The following STXBP5L variants were observed in gnomAD, a reference collection of about 807,000 sequenced individuals.
STXBP5L encodes syntaxin binding protein 5L.
In STXBP5L, 65 loss-of-function variants were observed where a neutral mutation model predicts 144.5. The observed-to-expected ratio is 0.45, with a 90% CI of 0.37 to 0.55. The LOEUF (loss-of-function observed/expected upper bound fraction) is 0.55. Among genes scored for constraint, STXBP5L ranks in the 20% least tolerant of loss-of-function variants. STXBP5L has a pLI of 0.00. For missense variants in STXBP5L, 1,298 were observed against 1,405.5 expected, an observed-to-expected ratio of 0.92 and a Z score of 1.22; for synonymous variants, 505 against 469.6, an observed-to-expected ratio of 1.08 and a Z score of -0.97.
chr3:121,350,371 T>C (rs2045223301), intron 20 of STXBP5L, among the ~76,000 whole-genome samples: 1 of 152,224 alleles, frequency 6.6e-6, no homozygotes, highest in South Asian at 2.1e-4. Context: ...ACCCGACCTT[T>C]GTCTCTGGCT....
At chr3:121,282,989 A>G (rs2051111657) in intron 19 of STXBP5L, among the ~76,000 whole-genome samples, 1 of 152,018 alleles carries the variant, frequency 6.6e-6, no homozygotes, top group Non-Finnish European at 1.5e-5. Flanking sequence ...AAAAACTGGT[A>G]TAGAAAGGAT....
At chr3:121,113,996 C>T (rs1171950843) in intron 5 of STXBP5L, among the ~76,000 whole-genome samples, 1 of 151,966 alleles carries the variant, frequency 6.6e-6, no homozygotes, top group African/African-American at 2.4e-5. Flanking sequence ...TAAAGAAGTA[C>T]AAGACAATAT....
intron 3 of STXBP5L, among the ~76,000 whole-genome samples, chr3:120,992,110 A>G (rs1942950622): frequency 6.6e-6 from 1 of 152,142 alleles, no homozygotes; most frequent in Non-Finnish European, 1.5e-5. Context: ...CACTAAAGAA[A>G]ATCTATGTCA....
chr3:121,048,771 C>T (rs9834680), intron 5 of STXBP5L, among the ~76,000 whole-genome samples: 15,036 of 151,698 alleles, frequency 0.099, 1,179 homozygotes, highest in Admixed American at 0.2. Flanking sequence ...CTGCAACCTC[C>T]GCCTCCCTGG....
At chr3:120,998,302 G>T (rs1215411965) in intron 3 of STXBP5L, among the ~76,000 whole-genome samples, 1 of 152,140 alleles carries the variant, frequency 6.6e-6, no homozygotes. Flanking sequence ...ATCCCTGTTT[G>T]CAGACAATAT....
At chr3:121,415,354 C>G (rs2047208915) in intron 24 of STXBP5L, among the ~76,000 whole-genome samples, 1 of 152,176 alleles carries the variant, frequency 6.6e-6, no homozygotes, top group South Asian at 2.1e-4. Flanking sequence ...AAATGTACTT[C>G]ACCCTATACA....
At chr3:121,329,034 C>T (rs1049285684) in intron 20 of STXBP5L, among the ~76,000 whole-genome samples, 1 of 151,806 alleles carries the variant, frequency 6.6e-6, no homozygotes, top group African/African-American at 2.4e-5. Context: ...ATATATAATG[C>T]ATATGTGTGT....
chr3:121,155,001 G>C (rs186542438), intron 8 of STXBP5L, among the ~76,000 whole-genome samples: 98 of 151,642 alleles, frequency 6.5e-4, no homozygotes, highest in Non-Finnish European at 1.1e-3. Flanking sequence ...GTTATCTTTT[G>C]CCTGGATGAC....
At chr3:121,002,324 A>G (rs75042868) in intron 3 of STXBP5L, among the ~76,000 whole-genome samples, 4 of 152,278 alleles carry the variant, frequency 2.6e-5, no homozygotes, top group East Asian at 3.9e-4. Context: ...GCATTTTCAT[A>G]TATCTATTGT....
At chr3:120,989,294 C>T (rs964669681) in intron 3 of STXBP5L, among the ~76,000 whole-genome samples, 7 of 152,104 alleles carry the variant, frequency 4.6e-5, no homozygotes, top group Non-Finnish European at 8.8e-5. Flanking sequence ...TCATCAATAT[C>T]TGTTGTTGAT....
intron 9 of STXBP5L, among the ~76,000 whole-genome samples, chr3:121,198,665 G>A (rs1051285614): frequency 2.0e-5 from 3 of 152,098 alleles, no homozygotes; most frequent in African/African-American, 7.2e-5. Flanking sequence ...TTTTGTATAA[G>A]GTGTAAGGAG....
chr3:120,909,444 C>T (rs1311252434), intron 1 of STXBP5L, 127 bp from the exon 2 acceptor site: 17 of 765,690 alleles, frequency 2.2e-5, no homozygotes, highest in Non-Finnish European at 3.3e-5. Context: ...TTTTTCCAGT[C>T]GGTCGTAACC....
At chr3:120,990,890 T>G (rs1232632243) in intron 3 of STXBP5L, among the ~76,000 whole-genome samples, 1 of 152,138 alleles carries the variant, frequency 6.6e-6, no homozygotes, top group Non-Finnish European at 1.5e-5. Flanking sequence ...GAAGAAAACC[T>G]AGGCAATACC....
At chr3:120,954,590 A>T (rs1937815064) in intron 2 of STXBP5L, among the ~76,000 whole-genome samples, 1 of 151,910 alleles carries the variant, frequency 6.6e-6, no homozygotes, top group Non-Finnish European at 1.5e-5. Context: ...CCAGATTTTT[A>T]CTATTTTGAA....
chr3:121,158,367 T>C (rs2046195266), intron 9 of STXBP5L: 1 of 152,170 alleles, frequency 6.6e-6, no homozygotes, highest in Non-Finnish European at 1.5e-5. Context: ...TATGTTACAG[T>C]TTCTGAGCGT....
intron 7 of STXBP5L, among the ~76,000 whole-genome samples, chr3:121,134,549 TC>T (rs1360848990): frequency 9.3e-5 from 14 of 151,294 alleles, no homozygotes; most frequent in Non-Finnish European, 2.1e-4. Flanking sequence ...ATGCTTTCCC[TC>T]CCCCCTTCCC....
At chr3:121,093,172 G>A (rs1317211437) in intron 5 of STXBP5L, among the ~76,000 whole-genome samples, 5 of 152,170 alleles carry the variant, frequency 3.3e-5, no homozygotes, top group Non-Finnish European at 7.3e-5. Context: ...GATTCGGTTT[G>A]CCAGTATTTT....
intron 5 of STXBP5L, among the ~76,000 whole-genome samples, chr3:121,072,717 C>T (rs1398966394): frequency 6.6e-6 from 1 of 152,172 alleles, no homozygotes; most frequent in Non-Finnish European, 1.5e-5. Flanking sequence ...CTCTGTCTGC[C>T]TTTCTGTTTC....
intron 3 of STXBP5L, among the ~76,000 whole-genome samples, chr3:121,025,696 GAT>G (rs1945876233): frequency 6.6e-6 from 1 of 151,558 alleles, no homozygotes; most frequent in African/African-American, 2.4e-5. Flanking sequence ...TGTTGACTCA[GAT>G]ATATTTTTAC....
Sources: allele counts gnomAD v4.1 joint callset (sites outside exome capture counted in the v4.1 genomes callset), GRCh38; gene constraint gnomAD v4.1.1; transcripts MANE v1.5; gene names NCBI Gene and HGNC (gene_info 2026-07-23, HGNC 2026-07-21).